Variants in RIMKLB observed in about 807,000 individuals in gnomAD.
RIMKLB encodes the protein ribosomal modification protein rimK like family member B, also known as beta-citrylglutamate synthase B.
A neutral mutation model predicts 32.0 loss-of-function variants in RIMKLB; 7 were observed. That is an observed-to-expected ratio of 0.22 (90% CI 0.12 to 0.41). RIMKLB has a LOEUF of 0.41. Ranked by LOEUF, RIMKLB falls within the 10% of genes least tolerant of loss-of-function variation. RIMKLB has a pLI of 1.00. For missense variants in RIMKLB, 289 were observed against 498.7 expected (o/e 0.58, Z 4.00); for synonymous variants, 172 against 185.1 (o/e 0.93, Z 0.57).
rs1240233344 is a variant in RIMKLB, at chr12:8,773,556, G to A, written c.933G>A (p.Arg311=). 7 of 1,614,092 alleles carry A rather than the reference G, an allele frequency of 4.3e-6. No homozygotes were observed. In the African/African-American group the frequency reaches 9.3e-5, roughly 22 times the overall value. ...DYAASLLPSG[R]LTRRMSLLSV... ...CCGCCTCCCTTCTACCCTCTGGCCG[G>A]CTCACCCGGCGTATGTCCCTGCTCT... Residue 311 remains arginine (R), a synonymous_variant, in exon 6 of 6, where the codon CGG becomes CGA. Transcript: ENST00000535829.
intron 1 of RIMKLB, among the ~76,000 whole-genome samples, chr12:8,703,488 C>T (rs1016451572): frequency 2.0e-5 from 3 of 152,166 alleles, no homozygotes; most frequent in Middle Eastern, 6.8e-3. Context: ...CCAACATACC[C>T]GGCTAATTTT....
intron 5 of RIMKLB, among the ~76,000 whole-genome samples, chr12:8,755,158 A>G (rs933800560): frequency 5.3e-5 from 8 of 151,904 alleles, no homozygotes; most frequent in Non-Finnish European, 1.2e-4. Context: ...CACCATGTTG[A>G]CCAGGCTGGT....
intron 5 of RIMKLB, among the ~76,000 whole-genome samples, chr12:8,762,234 T>C (rs898776735): frequency 6.6e-6 from 1 of 152,214 alleles, no homozygotes; most frequent in Admixed American, 6.5e-5. Flanking sequence ...TGAAGGGTTT[T>C]AAGTAACTAC....
chr12:8,697,979 TCGCG>T (rs746681662), upstream of RIMKLB: 24 of 154,268 alleles, frequency 1.6e-4, no homozygotes, highest in African/African-American at 5.5e-4. Context: ...GTGAGCGGGG[TCGCG>T]CGCGCGCGCG....
In RIMKLB at chr12:8,698,135, G is replaced by T; in HGVS notation, c.-219G>T. On this transcript the variant is annotated 5_prime_UTR_variant, in exon 1 of 6. Coordinates refer to ENST00000535829, the MANE Select transcript of RIMKLB (RefSeq NM_001297776.2). ...GTGCGAGGACGCCCGGCCAGCCTGC[G>T]GGAGCCGCAGTCGGCGGAGGAGAAA... The T allele has an allele frequency of 3.5e-6, 1 of 285,498 alleles. No homozygotes were observed. Among genetic ancestry groups the T allele is most frequent in the Non-Finnish European group, 7.1e-6 (1 of 141,464 alleles). 17.7% of individuals were successfully genotyped at this position (285,498 alleles called of 1,614,324 possible).
rs1950623479 is a variant in RIMKLB, at chr12:8,774,655, A to G, written c.*871A>G. ...TTTAACAATGGCCAAAGTGAAGAAAATGCTACCTTTTTTGTTAACAAGACA... is the reference window on the plus strand; with the variant it reads ...TTTAACAATGGCCAAAGTGAAGAAAGTGCTACCTTTTTTGTTAACAAGACA... On this transcript the variant is annotated 3_prime_UTR_variant, in exon 6 of 6. Coordinates refer to ENST00000535829, the MANE Select transcript of RIMKLB (RefSeq NM_001297776.2). 1.0e-6 allele frequency: 1 copy of G among 985,520 alleles called. No homozygotes were observed. Among genetic ancestry groups the G allele is most frequent in the African/African-American group, 1.7e-5 (1 of 57,216 alleles). The allele number at this position is 985,520 out of a possible 1,614,324, so 61.0% of individuals were successfully genotyped here. A position where few individuals can be genotyped will look rare whatever the true frequency, so the allele number is the denominator to read the frequency against.
chr12:8,761,117 G>A (rs988977689), intron 5 of RIMKLB, among the ~76,000 whole-genome samples: 1 of 151,944 alleles, frequency 6.6e-6, no homozygotes, highest in Non-Finnish European at 1.5e-5. Context: ...TGGGAGGCCA[G>A]GGTGGGCCTT....
chr12:8,701,284 C>T (rs1277070759), intron 1 of RIMKLB, among the ~76,000 whole-genome samples: 5 of 152,076 alleles, frequency 3.3e-5, no homozygotes, highest in Non-Finnish European at 7.3e-5. Flanking sequence ...TAAGATAGTA[C>T]CTCCAAAAGT....
At chr12:8,680,959 G>A (rs146039254), upstream of RIMKLB, among the ~76,000 whole-genome samples, 266 of 151,844 alleles carry the variant, frequency 1.8e-3, no homozygotes, top group African/African-American at 6.3e-3. Flanking sequence ...TTGTTCCTGG[G>A]GTCAGAGCTG....
chr12:8,774,763 A>G lies in RIMKLB; in HGVS notation c.*979A>G. On this transcript the variant is annotated 3_prime_UTR_variant, in exon 6 of 6. Coordinates refer to ENST00000535829, the MANE Select transcript of RIMKLB (RefSeq NM_001297776.2). The stretch of plus-strand genomic sequence containing the variant: ...TTGGGCATTTAAATAAGGACAAGGA[A>G]AAATATTTTTGGGGGCAAATCAAGA... The G allele has an allele frequency of 1.0e-6, 1 of 985,738 alleles. No individual in the cohort carries two copies. Among genetic ancestry groups the G allele is most frequent in the Non-Finnish European group, 1.2e-6 (1 of 829,904 alleles). The allele number at this position is 985,738 out of a possible 1,614,324, so 61.1% of individuals were successfully genotyped here.
intron 5 of RIMKLB, among the ~76,000 whole-genome samples, chr12:8,768,117 A>T (rs1302569046): frequency 6.6e-6 from 1 of 152,174 alleles, no homozygotes; most frequent in Admixed American, 6.5e-5. Context: ...TTATAGCTCT[A>T]TTAGAAGCCA....
downstream of RIMKLB, chr12:8,777,318 G>A: frequency 1.0e-6 from 1 of 979,634 alleles, no homozygotes; most frequent in Non-Finnish European, 1.2e-6. Context: ...GAATGTTTCA[G>A]TAGTGGACAG....
At chr12:8,727,415 T>G (rs1352904057) in intron 2 of RIMKLB, among the ~76,000 whole-genome samples, 1 of 152,182 alleles carries the variant, frequency 6.6e-6, no homozygotes, top group Non-Finnish European at 1.5e-5. Context: ...TTGTATTTCT[T>G]TAGTAGAGAT....
intron 5 of RIMKLB, among the ~76,000 whole-genome samples, chr12:8,756,351 A>C (rs1949024015): frequency 6.6e-6 from 1 of 152,086 alleles, no homozygotes; most frequent in Non-Finnish European, 1.5e-5. Flanking sequence ...TTTCATTCCC[A>C]GAAAAATTTT....
chr12:8,698,715 C>CCGCCGCCACTCA (rs11275581), intron 1 of RIMKLB, among the ~76,000 whole-genome samples: 1 of 151,412 alleles, frequency 6.6e-6, no homozygotes, highest in South Asian at 2.1e-4. Context: ...CCTCCCCCCC[C>CCGCCGCCACTCA]TTCCCACAAA....
In RIMKLB at chr12:8,775,657, TCC is replaced by T. The variant is rs1182330978; in HGVS notation, c.*1877_*1878del. 5.5e-5 allele frequency: 54 copies of T among 985,638 alleles called. No individual in the cohort carries two copies. Among genetic ancestry groups the T allele is most frequent in the Non-Finnish European group, 6.4e-5 (53 of 829,866 alleles). The allele number at this position is 985,638 out of a possible 1,614,324, so 61.1% of individuals were successfully genotyped here. The stretch of plus-strand genomic sequence containing the variant: ...TGATCATGCTTACTTGTACAGTTTT[TCC>T]CCCGTTTTAAAAAGGAATGTAATAA... On this transcript the variant is annotated 3_prime_UTR_variant, in exon 6 of 6. Coordinates refer to ENST00000535829, the MANE Select transcript of RIMKLB (RefSeq NM_001297776.2).
rs1027132721 is a variant in RIMKLB at position 8,775,430 on chromosome 12, A to C, written c.*1646A>C. 121 of 985,448 alleles carry C rather than the reference A, an allele frequency of 1.2e-4. No individual in the cohort carries two copies. The highest frequency in any genetic ancestry group is 1.4e-4 in the Non-Finnish European group (113 of 829,910). 61.0% of individuals were successfully genotyped at this position (985,448 alleles called of 1,614,324 possible). ...TTGGATGGTATGTTAAGAAATGGAG[A>C]TGCTGCAGAGCCCAACGTAATTTTT... On this transcript the variant is annotated 3_prime_UTR_variant, in exon 6 of 6. Transcript: ENST00000535829.
At chr12:8,717,676 A>G (rs998351188) in intron 2 of RIMKLB, among the ~76,000 whole-genome samples, 1 of 152,206 alleles carries the variant, frequency 6.6e-6, no homozygotes, top group Admixed American at 6.5e-5. Context: ...GTCTGTTCTT[A>G]CTACTGCTAA....
chr12:8,741,965 A>G (rs746162856), intron 2 of RIMKLB, among the ~76,000 whole-genome samples: 11 of 149,472 alleles, frequency 7.4e-5, no homozygotes, highest in East Asian at 3.9e-4. Context: ...CTCTTGTGCA[A>G]TCTTGGCTCA....
Sources: gnomAD v4.1 joint callset for allele counts (sites outside exome capture counted in the v4.1 genomes callset) on GRCh38, gnomAD v4.1.1 for gene constraint, MANE v1.5 for transcripts, NCBI Gene and HGNC (gene_info 2026-07-23, HGNC 2026-07-21) for gene names.